Variants in WNT9B observed in about 807,000 individuals in gnomAD.
WNT9B encodes the protein Wnt family member 9B.
WNT9B carries 12 observed loss-of-function variants against 30.2 expected under a neutral mutation model. That is an observed-to-expected ratio of 0.40 (90% CI 0.26 to 0.64). The LOEUF (loss-of-function observed/expected upper bound fraction) is 0.64, where lower values mean the gene tolerates loss of function less well. WNT9B is among the 30% of genes least tolerant of loss of function. The pLI is 0.42. For synonymous variants in WNT9B, 218 were observed against 216.9 expected, an observed-to-expected ratio of 1.01 and a Z score of -0.05; for missense variants, 442 against 485.2, an observed-to-expected ratio of 0.91 and a Z score of 0.84.
chr17:46,874,739 G>A (rs778932609), intron 2 of WNT9B, among the ~76,000 whole-genome samples: 15 of 151,860 alleles, frequency 9.9e-5, no homozygotes, highest in Non-Finnish European at 1.8e-4. Flanking sequence ...CACCATGCCC[G>A]GCTAATTTTT....
At position 46,877,379 on chromosome 17, in the gene WNT9B, G is replaced by A. The variant is rs561772229; in HGVS notation, c.*661G>A. ...CCCTGGAGCCCTGTGTCCTTGATTT[G>A]GCTTTTCAAATATGCCTCCGCTGAG... On this transcript the variant is annotated 3_prime_UTR_variant, in exon 4 of 4. Transcript: ENST00000290015. Among the ~76,000 whole-genome samples, 11 of 152,304 alleles carry A rather than the reference G, an allele frequency of 7.2e-5. No individual in the cohort carries two copies. The highest frequency in any genetic ancestry group is 1.2e-4 in the Non-Finnish European group (8 of 68,012).
intron 1 of WNT9B, among the ~76,000 whole-genome samples, chr17:46,869,435 C>G (rs1259989239): frequency 6.6e-6 from 1 of 152,176 alleles, no homozygotes; most frequent in Non-Finnish European, 1.5e-5. Flanking sequence ...GGAGTGGAGC[C>G]GTTCTGGGCA....
At chr17:46,850,531 T>A (rs1401694197), upstream of WNT9B, among the ~76,000 whole-genome samples, 1 of 152,198 alleles carries the variant, frequency 6.6e-6, no homozygotes, top group Non-Finnish European at 1.5e-5. Context: ...TCCCTATGCA[T>A]GGCTGATTTT....
In WNT9B at chr17:46,879,211, C is replaced by G. The variant is rs1434428955; in HGVS notation, c.*2493C>G. ...CACAGGTGGGGTTTGTGTATTTTCCCGGAAACCCTCTGTCTGGGGAGATAC... is the reference window on the plus strand; with the variant it reads ...CACAGGTGGGGTTTGTGTATTTTCCGGGAAACCCTCTGTCTGGGGAGATAC... On this transcript the variant is annotated 3_prime_UTR_variant, in exon 4 of 4. Transcript: ENST00000290015. Among the ~76,000 whole-genome samples the G allele has an allele frequency of 1.3e-5, 2 of 152,160 alleles. No homozygotes were observed. The highest frequency in any genetic ancestry group is 2.9e-5 in the Non-Finnish European group (2 of 68,028).
chr17:46,843,270 C>T (rs1247323591), intron 1 of WNT9B, among the ~76,000 whole-genome samples: 1 of 152,242 alleles, frequency 6.6e-6, no homozygotes, highest in Non-Finnish European at 1.5e-5. Context: ...ACTTTTTCAA[C>T]CTCCTCTCAC....
intron 1 of WNT9B, among the ~76,000 whole-genome samples, chr17:46,869,300 T>G (rs1156355919): frequency 2.0e-5 from 3 of 152,136 alleles, no homozygotes; most frequent in Non-Finnish European, 4.4e-5. Context: ...GCCTCTGGGG[T>G]GGGGCCTGAG....
rs1177732590 is a variant in WNT9B at position 46,876,857 on chromosome 17, A to T, written c.*139A>T. 7.1e-7 allele frequency: 1 copy of T among 1,410,042 alleles called. No homozygotes were observed. Among genetic ancestry groups the T allele is most frequent in the African/African-American group, 1.4e-5 (1 of 69,246 alleles). The allele number at this position is 1,410,042 out of a possible 1,614,324, so 87.3% of individuals were successfully genotyped here. A position where few individuals can be genotyped will look rare whatever the true frequency, so the allele number is the denominator to read the frequency against. Reference sequence around the variant, plus strand: ...GTGTGCCAATGCACACGAGTGTGCCACTCACCACCATTCCTTGGCCAGCCT... The same window carrying T: ...GTGTGCCAATGCACACGAGTGTGCCTCTCACCACCATTCCTTGGCCAGCCT... On this transcript the variant is annotated 3_prime_UTR_variant, in exon 4 of 4. Transcript: ENST00000290015.
At chr17:46,869,089 C>T (rs1378178120) in intron 1 of WNT9B, among the ~76,000 whole-genome samples, 11 of 152,202 alleles carry the variant, frequency 7.2e-5, no homozygotes, top group Admixed American at 6.5e-5. Context: ...GTTCCCGAGG[C>T]AGTGCCAGGG....
upstream of WNT9B, among the ~76,000 whole-genome samples, chr17:46,847,211 T>A (rs527853515): frequency 6.6e-6 from 1 of 152,358 alleles, no homozygotes; most frequent in Admixed American, 6.5e-5. Flanking sequence ...GGCATGGCTG[T>A]GAGTTCCCTG....
Position 46,844,305 on chromosome 17 carries a change from CTTTTTTT to C in WNT9B, c.95+10879_95+10885del, listed in dbSNP as rs34889221. Among the ~76,000 whole-genome samples the C allele has an allele frequency of 4.6e-4, 58 of 127,446 alleles. 2 individuals carry two copies. The highest frequency in any genetic ancestry group is 4.1e-3 in the South Asian group (17 of 4,154). 83.6% of individuals were successfully genotyped at this position (127,446 alleles called of 152,430 possible). ...TATGCAGTGAGGTGGAGTTAGCCAC[CTTTTTTT>C]TTTTTTTTTTTTTGATAAGTTAAGC... On this transcript the variant is annotated intron_variant, in intron 1 of 2. Transcript: ENST00000575372.
chr17:46,864,679 T>G (rs1350534013), intron 1 of WNT9B, among the ~76,000 whole-genome samples: 1 of 152,118 alleles, frequency 6.6e-6, no homozygotes, highest in East Asian at 1.9e-4. Flanking sequence ...GATGGCTGAT[T>G]TGGCTTCCCT....
intron 1 of WNT9B, among the ~76,000 whole-genome samples, chr17:46,858,815 C>T (rs917671812): frequency 1.3e-5 from 2 of 152,074 alleles, no homozygotes; most frequent in East Asian, 1.9e-4. Flanking sequence ...CACAGGCATG[C>T]GCCATCACGC....
chr17:46,881,877 A>T (rs1367825099), downstream of WNT9B, among the ~76,000 whole-genome samples: 1 of 152,238 alleles, frequency 6.6e-6, no homozygotes, highest in Non-Finnish European at 1.5e-5. Flanking sequence ...TAAGGACAAG[A>T]ACATTCTCCA....
At chr17:46,855,850 C>T (rs1324730054) in intron 1 of WNT9B, among the ~76,000 whole-genome samples, 1 of 152,088 alleles carries the variant, frequency 6.6e-6, no homozygotes, top group African/African-American at 2.4e-5. Context: ...AGGCATGTGC[C>T]ACCATGCCTG....
Position 46,876,787 on chromosome 17 carries a change from G to A in WNT9B, c.*69G>A, listed in dbSNP as rs759907521. The A allele has an allele frequency of 3.1e-5, 45 of 1,466,478 alleles. No homozygotes were observed. The highest frequency in any genetic ancestry group is 3.3e-5 in the Non-Finnish European group (36 of 1,105,688). 90.8% of individuals were successfully genotyped at this position (1,466,478 alleles called of 1,614,324 possible). A position where few individuals can be genotyped will look rare whatever the true frequency, so the allele number is the denominator to read the frequency against. On this transcript the variant is annotated 3_prime_UTR_variant, in exon 4 of 4. Transcript: ENST00000290015. ...GTGGCACCCTTCAAGCTGCCCAGCCGGCCCTCTGGGCAGACTGTCATCACA... is the reference window on the plus strand; with the variant it reads ...GTGGCACCCTTCAAGCTGCCCAGCCAGCCCTCTGGGCAGACTGTCATCACA...
chr17:46,841,050 G>A (rs1309922672), intron 1 of WNT9B, among the ~76,000 whole-genome samples: 1 of 152,210 alleles, frequency 6.6e-6, no homozygotes, highest in Non-Finnish European at 1.5e-5. Flanking sequence ...CTTCCAACAG[G>A]AGGCAGAGGG....
intron 1 of WNT9B, among the ~76,000 whole-genome samples, chr17:46,856,152 G>C (rs2084934704): frequency 6.6e-6 from 1 of 152,222 alleles, no homozygotes; most frequent in South Asian, 2.1e-4. Context: ...AGAAGTTTAT[G>C]AAAGCCCAAG....
At position 46,872,723 on chromosome 17, in the gene WNT9B, A is replaced by T; in HGVS notation, c.284A>T (p.His95Leu). The stretch of plus-strand genomic sequence containing the variant: ...CTTGAGTGCCAGTTTCAGTTCCGGC[A>T]TGAGCGCTGGAACTGTAGCCTGGAG... ...GLLECQFQFR[H>L]ERWNCSLEGR... Residue 95 changes from histidine (H) to leucine (L), a missense_variant, in exon 2 of 4, where the codon CAT (histidine) becomes CTT (leucine). By Grantham distance (99) the His-to-Leu change is moderately conservative. Transcript: ENST00000290015. 6.8e-7 allele frequency: 1 copy of T among 1,460,772 alleles called. No individual in the cohort carries two copies. Among genetic ancestry groups the T allele is most frequent in the Non-Finnish European group, 9.2e-7 (1 of 1,082,422 alleles). The allele number at this position is 1,460,772 out of a possible 1,614,324, so 90.5% of individuals were successfully genotyped here.
At chr17:46,882,756 C>T (rs59619638), downstream of WNT9B, among the ~76,000 whole-genome samples, 340 of 152,232 alleles carry the variant, frequency 2.2e-3, 1 homozygote, top group African/African-American at 7.5e-3. Flanking sequence ...CTATGGTGCA[C>T]GAGGCACGTG....
Sources: gnomAD v4.1 joint callset for allele counts (sites outside exome capture counted in the v4.1 genomes callset) on GRCh38, gnomAD v4.1.1 for gene constraint, MANE v1.5 for transcripts, NCBI Gene and HGNC (gene_info 2026-07-23, HGNC 2026-07-21) for gene names.